Variants in CBFA2T2 observed in about 807,000 individuals in gnomAD.
CBFA2T2 encodes the protein CBFA2/RUNX1 partner transcriptional co-repressor 2, also known as protein CBFA2T2.
CBFA2T2 carries 11 observed loss-of-function variants against 62.2 expected under a neutral mutation model. The ratio of observed to expected loss-of-function variants is 0.18; its 90% CI spans 0.11 to 0.29. The LOEUF (loss-of-function observed/expected upper bound fraction) is 0.29, where lower values mean the gene tolerates loss of function less well. CBFA2T2 is among the 10% of genes least tolerant of loss of function. The pLI is 1.00. For missense variants in CBFA2T2, 592 were observed against 774.1 expected (o/e 0.76, Z 2.79); for synonymous variants, 295 against 287.5 (o/e 1.03, Z -0.27).
rs778320078 is a variant in CBFA2T2 at position 33,623,300 on chromosome 20, A to G, written c.692+4A>G. On this transcript the variant is annotated splice_donor_region_variant and intron_variant, in intron 5 of 10. Transcript: ENST00000342704. ...GGAAGAGGCCCAGTCCAGAGAGGTG[A>G]GCAGATGAGCTTTGCTGTCCTTGCC... The G allele has an allele frequency of 3.1e-6, 5 of 1,614,168 alleles. No individual in the cohort carries two copies. Among genetic ancestry groups the G allele is most frequent in the Non-Finnish European group, 4.2e-6 (5 of 1,180,010 alleles).
chr20:33,494,698 A>G lies in CBFA2T2; in HGVS notation c.34+4397A>G, dbSNP rs376553566. The stretch of plus-strand genomic sequence containing the variant: ...ACCACAACCTCCGCCTCCCAGGTTC[A>G]AGCGATTCTCCTGCCTCAGCCTTCC... On this transcript the variant is annotated intron_variant, in intron 1 of 10. Coordinates refer to ENST00000342704, the MANE Select transcript of CBFA2T2 (RefSeq NM_001032999.3). Among the ~76,000 whole-genome samples, 7 of 152,068 alleles carry G rather than the reference A, an allele frequency of 4.6e-5. No homozygotes were observed. The South Asian group carries it at 8.3e-4, about 18-fold the overall frequency.
intron 1 of CBFA2T2, among the ~76,000 whole-genome samples, chr20:33,537,164 C>T (rs932625524): frequency 3.0e-4 from 46 of 152,328 alleles, no homozygotes; most frequent in African/African-American, 9.4e-4. Flanking sequence ...TGTAGCGAGC[C>T]GAGATCACGC....
At chr20:33,632,745 C>A (rs994043585) in intron 8 of CBFA2T2, among the ~76,000 whole-genome samples, 2 of 151,870 alleles carry the variant, frequency 1.3e-5, no homozygotes, top group African/African-American at 4.8e-5. Context: ...CCGTGCCCGG[C>A]CTCACCAGTG....
At chr20:33,549,980 C>A (rs910115457) in intron 1 of CBFA2T2, among the ~76,000 whole-genome samples, 3 of 151,152 alleles carry the variant, frequency 2.0e-5, no homozygotes, top group Non-Finnish European at 4.4e-5. Context: ...AAGACAGCAT[C>A]CTTCTTTGTT....
At position 33,611,269 on chromosome 20, in the gene CBFA2T2, A is replaced by G; in HGVS notation, c.354A>G (p.Gln118=). ...TGAAACGCTTTCTTACCACTCTGCA[A>G]CAGTTTGGCAATGACATCTCCCCTG... is the stretch of plus-strand genomic sequence containing the variant. ...SKLKRFLTTL[Q]QFGNDISPEI... Residue 118 remains glutamine, a synonymous_variant, in exon 3 of 11, where the codon CAA becomes CAG. Coordinates refer to ENST00000342704, the MANE Select transcript of CBFA2T2 (RefSeq NM_001032999.3). The G allele has an allele frequency of 1.9e-6, 3 of 1,614,194 alleles. No individual in the cohort carries two copies. Among genetic ancestry groups the G allele is most frequent in the Non-Finnish European group, 2.5e-6 (3 of 1,180,028 alleles).
Position 33,603,219 on chromosome 20 carries a change from T to G in CBFA2T2, c.35-3737T>G, listed in dbSNP as rs910222913. 1.2e-4 allele frequency among the ~76,000 whole-genome samples: 18 copies of G among 152,372 alleles called. No individual in the cohort carries two copies. The East Asian group carries it at 3.3e-3, about 28-fold the overall frequency. ...GATAGTTCTACTCTTTAGTTTCATC[T>G]TTGATTCTTTAAATTCCTATGTAGG... is the stretch of plus-strand genomic sequence containing the variant. On this transcript the variant is annotated intron_variant, in intron 1 of 10. Transcript: ENST00000342704.
chr20:33,594,614 C>T (rs770414746), intron 1 of CBFA2T2, among the ~76,000 whole-genome samples: 5 of 151,996 alleles, frequency 3.3e-5, no homozygotes, highest in Admixed American at 1.3e-4. Flanking sequence ...CTTTTTGAAT[C>T]GTAGGAAAGC....
At chr20:33,557,830 C>A (rs201544944) in intron 1 of CBFA2T2, among the ~76,000 whole-genome samples, 1 of 151,656 alleles carries the variant, frequency 6.6e-6, no homozygotes, top group East Asian at 1.9e-4. Flanking sequence ...TTATTTCTCT[C>A]TCTTTTTTTT....
intron 1 of CBFA2T2, among the ~76,000 whole-genome samples, chr20:33,535,707 T>C (rs1280452261): frequency 2.0e-5 from 3 of 151,222 alleles, no homozygotes; most frequent in African/African-American, 7.3e-5. Context: ...TTCTTGGGTG[T>C]TTCTCGCAGA....
intron 1 of CBFA2T2, among the ~76,000 whole-genome samples, chr20:33,537,005 T>C (rs2012269726): frequency 3.4e-5 from 5 of 145,422 alleles, no homozygotes. Flanking sequence ...CTTTCCAGAC[T>C]GGGCAGCCAG....
At chr20:33,496,718 A>G (rs557272156) in intron 1 of CBFA2T2, among the ~76,000 whole-genome samples, 49 of 152,292 alleles carry the variant, frequency 3.2e-4, no homozygotes, top group Middle Eastern at 3.4e-3. Flanking sequence ...GCACTTATCC[A>G]TTGGGATTAC....
intron 1 of CBFA2T2, among the ~76,000 whole-genome samples, chr20:33,500,066 C>T (rs1238999702): frequency 6.6e-6 from 1 of 152,036 alleles, no homozygotes; most frequent in African/African-American, 2.4e-5. Flanking sequence ...TCAAGCAGTT[C>T]TGTGCCTCAG....
intron 1 of CBFA2T2, chr20:33,574,112 T>C: frequency 1.3e-6 from 2 of 1,570,428 alleles, no homozygotes; most frequent in Non-Finnish European, 1.7e-6. Flanking sequence ...ATGATGAAGA[T>C]TGAGGATGGT....
At chr20:33,636,069 C>T (rs2016620239) in intron 8 of CBFA2T2, among the ~76,000 whole-genome samples, 1 of 152,036 alleles carries the variant, frequency 6.6e-6, no homozygotes, top group Admixed American at 6.6e-5. Context: ...CCCTGGCCAA[C>T]ATGGTGAAAC....
At chr20:33,572,798 G>C (rs141371586) in intron 1 of CBFA2T2, among the ~76,000 whole-genome samples, 1 of 152,290 alleles carries the variant, frequency 6.6e-6, no homozygotes, top group East Asian at 1.9e-4. Context: ...TGAGTGATGG[G>C]TAACCATTGA....
At chr20:33,608,109 T>G (rs571355811) in intron 2 of CBFA2T2, among the ~76,000 whole-genome samples, 1 of 152,358 alleles carries the variant, frequency 6.6e-6, no homozygotes, top group East Asian at 1.9e-4. Context: ...CCACGTGCCC[T>G]GTAACTCAAC....
In CBFA2T2 at chr20:33,621,268, A is replaced by C. The variant is rs1036538107; in HGVS notation, c.510+1662A>C. On this transcript the variant is annotated intron_variant, in intron 4 of 10. Transcript: ENST00000342704. ...TCTCTCTTTTATGAGTATCTCTATA[A>C]TACCTTTAATTTTACTGCCTTTTTT... 3.1e-4 allele frequency among the ~76,000 whole-genome samples: 41 copies of C among 131,582 alleles called. 1 individual carries two copies. Among genetic ancestry groups the C allele is most frequent in the African/African-American group, 1.0e-3 (37 of 35,770 alleles). 86.3% of individuals were successfully genotyped at this position (131,582 alleles called of 152,430 possible).
At chr20:33,549,168 A>G (rs992661926) in intron 1 of CBFA2T2, among the ~76,000 whole-genome samples, 1 of 152,230 alleles carries the variant, frequency 6.6e-6, no homozygotes, top group Non-Finnish European at 1.5e-5. Flanking sequence ...TGTCAGAATA[A>G]TCGAAAAATT....
chr20:33,623,861 AACTCT>A (rs966666125), intron 5 of CBFA2T2: 2 of 717,672 alleles, frequency 2.8e-6, no homozygotes, highest in Admixed American at 2.0e-5. Flanking sequence ...CCCGGTAAGA[AACTCT>A]ACTCTAGAGA....
Sources: gnomAD v4.1 joint callset for allele counts (sites outside exome capture counted in the v4.1 genomes callset) on GRCh38, gnomAD v4.1.1 for gene constraint, MANE v1.5 for transcripts, NCBI Gene and HGNC (gene_info 2026-07-23, HGNC 2026-07-21) for gene names.